Variants in RUNDC3B observed in about 807,000 individuals in gnomAD.
RUNDC3B encodes RUN domain-containing protein 3B.
In RUNDC3B, 33 loss-of-function variants were observed where a neutral mutation model predicts 58.4. The observed-to-expected ratio is 0.56, with a 90% confidence interval of 0.43 to 0.75. RUNDC3B has a LOEUF of 0.75. Among genes scored for constraint, RUNDC3B ranks in the 30% least tolerant of loss-of-function variants. The pLI is 0.00. For missense variants in RUNDC3B, 501 were observed against 535.7 expected (o/e 0.94, Z 0.64); for synonymous variants, 193 against 195.2 (o/e 0.99, Z 0.10).
chr7:87,792,777 A>G (rs992364355), intron 8 of RUNDC3B, among the ~76,000 whole-genome samples: 1 of 152,034 alleles, frequency 6.6e-6, no homozygotes, highest in African/African-American at 2.4e-5. Context: ...CAAATAAATA[A>G]CCTAATGATG....
chr7:87,824,392 G>A (rs1382134168), intron 10 of RUNDC3B, among the ~76,000 whole-genome samples: 2 of 152,178 alleles, frequency 1.3e-5, no homozygotes, highest in Admixed American at 6.5e-5. Context: ...GCCACCATGT[G>A]AGATGTGCCT....
At chr7:87,716,101 AAAAT>A (rs1009529470) in intron 4 of RUNDC3B, among the ~76,000 whole-genome samples, 1 of 152,174 alleles carries the variant, frequency 6.6e-6, no homozygotes, top group Non-Finnish European at 1.5e-5. Flanking sequence ...AAAAAAATAA[AAAAT>A]AAACCACGTT....
intron 6 of RUNDC3B, among the ~76,000 whole-genome samples, chr7:87,757,918 C>T (rs539078709): frequency 1.3e-5 from 2 of 152,222 alleles, no homozygotes; most frequent in South Asian, 4.1e-4. Context: ...ACACTCTCTT[C>T]AATAAATGGT....
chr7:87,756,217 G>T (rs1419385195), intron 6 of RUNDC3B, among the ~76,000 whole-genome samples: 1 of 151,816 alleles, frequency 6.6e-6, no homozygotes, highest in Non-Finnish European at 1.5e-5. Flanking sequence ...TTCTTTCTTG[G>T]TTTTCTACTG....
In RUNDC3B at chr7:87,672,201, C is replaced by T. The variant is rs183036636; in HGVS notation, c.238+21264C>T. On this transcript the variant is annotated intron_variant, in intron 2 of 10. Coordinates refer to ENST00000394654, the MANE Select transcript of RUNDC3B (RefSeq NM_001134405.2). ...CAGGCAGGGATGGCTAGAGGCCCCA[C>T]TTGGGAGGTTCCACCCATAGGAGGA... Among the ~76,000 whole-genome samples the T allele has an allele frequency of 1.5e-4, 23 of 152,288 alleles. No homozygotes were observed. The East Asian group carries it at 3.9e-3, about 26-fold the overall frequency.
intron 1 of RUNDC3B, among the ~76,000 whole-genome samples, chr7:87,647,744 C>A (rs536336694): frequency 8.4e-4 from 128 of 152,158 alleles, no homozygotes; most frequent in African/African-American, 3.0e-3. Flanking sequence ...CAAACCATTA[C>A]ATAACTAACA....
chr7:87,761,445 A>T (rs1031247088), intron 6 of RUNDC3B, among the ~76,000 whole-genome samples: 1 of 151,940 alleles, frequency 6.6e-6, no homozygotes, highest in African/African-American at 2.4e-5. Flanking sequence ...TTACCACATG[A>T]TTCTGAAATT....
At chr7:87,632,163 C>T (rs1821289567) in intron 1 of RUNDC3B, among the ~76,000 whole-genome samples, 1 of 150,098 alleles carries the variant, frequency 6.7e-6, no homozygotes, top group Non-Finnish European at 1.5e-5. Context: ...TCCACTTATA[C>T]TTTCACAGTA....
chr7:87,747,762 G>A (rs1338259522), intron 6 of RUNDC3B, among the ~76,000 whole-genome samples: 3 of 152,020 alleles, frequency 2.0e-5, no homozygotes, highest in African/African-American at 7.2e-5. Context: ...CAGGGAAGTG[G>A]GGGAAAGCAG....
chr7:87,770,218 G>A (rs187011865), intron 6 of RUNDC3B, among the ~76,000 whole-genome samples: 27 of 152,118 alleles, frequency 1.8e-4, no homozygotes, highest in East Asian at 1.7e-3. Flanking sequence ...AATCCACCTC[G>A]GGCAGTGAAA....
intron 10 of RUNDC3B, among the ~76,000 whole-genome samples, chr7:87,823,479 T>C (rs1837613136): frequency 6.6e-6 from 1 of 152,000 alleles, no homozygotes; most frequent in Admixed American, 6.6e-5. Flanking sequence ...CATGAGTAAG[T>C]TCTTTAGTGG....
chr7:87,695,996 T>TAGCAAAC (rs1250348699), intron 2 of RUNDC3B, among the ~76,000 whole-genome samples: 8 of 152,128 alleles, frequency 5.3e-5, no homozygotes, highest in African/African-American at 1.9e-4. Context: ...ACAGATTGTC[T>TAGCAAAC]TTTAGTCTAG....
chr7:87,827,619 T>C (rs1184008512), intron 10 of RUNDC3B, among the ~76,000 whole-genome samples: 1 of 152,062 alleles, frequency 6.6e-6, no homozygotes, highest in Non-Finnish European at 1.5e-5. Flanking sequence ...AATTAAGATA[T>C]AACAGGATTA....
At chr7:87,804,206 A>G (rs1182318532) in intron 8 of RUNDC3B, among the ~76,000 whole-genome samples, 1 of 152,150 alleles carries the variant, frequency 6.6e-6, no homozygotes, top group Admixed American at 6.5e-5. Flanking sequence ...TTGAATAATA[A>G]TAGGGATATA....
rs575220719 is a variant in RUNDC3B at position 87,807,409 on chromosome 7, A to G, written c.993A>G (p.Gln331=). 5 of 1,613,754 alleles carry G rather than the reference A, an allele frequency of 3.1e-6. No individual in the cohort carries two copies. The South Asian group carries it at 4.4e-5, about 14-fold the overall frequency. Residue 331 remains glutamine (Q), a synonymous_variant, in exon 9 of 11, where the codon CAA becomes CAG. Coordinates refer to ENST00000394654, the MANE Select transcript of RUNDC3B (RefSeq NM_001134405.2). ...AGAATAATGATTTAAGATCGAGACA[A>G]GAGTTAACTGCCCATCTCACCAACC... ...VLKNNDLRSR[Q]ELTAHLTNQW...
intron 6 of RUNDC3B, among the ~76,000 whole-genome samples, chr7:87,761,825 G>A (rs1201964665): frequency 1.3e-5 from 2 of 151,666 alleles, no homozygotes; most frequent in Non-Finnish European, 3.0e-5. Flanking sequence ...AGGGAGCATG[G>A]CAATTTATCA....
chr7:87,739,705 C>A, intron 4 of RUNDC3B, 86 bp from the exon 5 acceptor site: 1 of 535,124 alleles, frequency 1.9e-6, no homozygotes, highest in Non-Finnish European at 3.3e-6. Flanking sequence ...GCTCTTCCTA[C>A]AATAGTTTGG....
intron 7 of RUNDC3B, among the ~76,000 whole-genome samples, chr7:87,777,563 G>A (rs1203093500): frequency 6.6e-6 from 1 of 152,128 alleles, no homozygotes; most frequent in Non-Finnish European, 1.5e-5. Flanking sequence ...TTTTAACTAA[G>A]TTTTGCCTCA....
At chr7:87,640,146 A>G (rs1451225601) in intron 1 of RUNDC3B, among the ~76,000 whole-genome samples, 1 of 149,848 alleles carries the variant, frequency 6.7e-6, no homozygotes, top group Non-Finnish European at 1.5e-5. Context: ...ATAGTGTTAG[A>G]ACCATTTATT....
Sources: allele counts gnomAD v4.1 joint callset (sites outside exome capture counted in the v4.1 genomes callset), GRCh38; gene constraint gnomAD v4.1.1; transcripts MANE v1.5; gene names NCBI Gene and HGNC (gene_info 2026-07-23, HGNC 2026-07-21).